EPC2: variants seen among roughly 807,000 people sequenced by gnomAD.
EPC2 encodes enhancer of polycomb homolog 2.
In EPC2, 14 loss-of-function variants were observed where a neutral mutation model predicts 92.1. The ratio of observed to expected loss-of-function variants is 0.15; its 90% CI spans 0.10 to 0.24. EPC2 has a LOEUF of 0.24. EPC2 is among the 10% of genes least tolerant of loss of function. The pLI is 1.00. For missense variants in EPC2, 755 were observed against 971.5 expected (o/e 0.78, Z 2.96); for synonymous variants, 340 against 334.7 (o/e 1.02, Z -0.17).
intron 1 of EPC2, chr2:148,645,413 A>T: frequency 2.3e-6 from 1 of 441,152 alleles, no homozygotes; most frequent in Non-Finnish European, 4.1e-6. Flanking sequence ...CGCTGCCGTA[A>T]GGGGGCCTTG....
At chr2:148,775,903 A>C (rs1262997701) in intron 10 of EPC2, among the ~76,000 whole-genome samples, 2 of 146,910 alleles carry the variant, frequency 1.4e-5, no homozygotes, top group Admixed American at 7.0e-5. Flanking sequence ...TCAGCCTCCC[A>C]AGTAGCTGGG....
intron 10 of EPC2, among the ~76,000 whole-genome samples, chr2:148,775,819 C>G (rs1242469327): frequency 7.4e-6 from 1 of 134,288 alleles, no homozygotes; most frequent in Admixed American, 7.8e-5. Flanking sequence ...ACTCTGTTAC[C>G]CAGGCTGGAG....
At chr2:148,687,921 A>G (rs572398623) in intron 1 of EPC2, among the ~76,000 whole-genome samples, 2 of 152,306 alleles carry the variant, frequency 1.3e-5, no homozygotes, top group East Asian at 3.9e-4. Flanking sequence ...CTTTTAAAGT[A>G]CTAGTTATAA....
chr2:148,728,134 A>C lies in EPC2; in HGVS notation c.314-15488A>C, dbSNP rs1356554705. Among the ~76,000 whole-genome samples the C allele has an allele frequency of 6.6e-5, 10 of 152,190 alleles. No homozygotes were observed. In the East Asian group the frequency reaches 1.7e-3, roughly 27 times the overall value. On this transcript the variant is annotated intron_variant, in intron 2 of 13. Coordinates refer to ENST00000258484, the MANE Select transcript of EPC2 (RefSeq NM_015630.4). ...CCTCCCCAACAGCTAGAATCACAGG[A>C]GCTTACCATGTTGCTCAGGCTGGTT...
At chr2:148,743,337 A>G (rs1350124376) in intron 2 of EPC2, among the ~76,000 whole-genome samples, 1 of 152,080 alleles carries the variant, frequency 6.6e-6, no homozygotes, top group African/African-American at 2.4e-5. Context: ...TACCATGTCA[A>G]CATGTATATG....
chr2:148,743,428 A>G (rs902997582), intron 2 of EPC2, among the ~76,000 whole-genome samples, 194 bp from the exon 3 acceptor site: 1 of 152,156 alleles, frequency 6.6e-6, no homozygotes, highest in African/African-American at 2.4e-5. Context: ...TACTGTTTAA[A>G]TCATATATAA....
intron 1 of EPC2, among the ~76,000 whole-genome samples, chr2:148,654,048 A>G (rs543871273): frequency 2.0e-5 from 3 of 151,396 alleles, no homozygotes; most frequent in Admixed American, 6.6e-5. Context: ...CCCTGGTTCA[A>G]GTGATTCTCC....
chr2:148,720,205 A>G (rs1008095099), intron 2 of EPC2, among the ~76,000 whole-genome samples: 2 of 152,200 alleles, frequency 1.3e-5, no homozygotes, highest in Admixed American at 1.3e-4. Context: ...TAAAGAAGTA[A>G]TCTGGTCAAT....
intron 6 of EPC2, among the ~76,000 whole-genome samples, chr2:148,764,148 A>G (rs995827658): frequency 6.6e-6 from 1 of 152,218 alleles, no homozygotes; most frequent in Non-Finnish European, 1.5e-5. Flanking sequence ...CTTTCAAGCA[A>G]TATTTTTATT....
chr2:148,701,750 A>C (rs1354250040), intron 2 of EPC2, among the ~76,000 whole-genome samples: 1 of 152,132 alleles, frequency 6.6e-6, no homozygotes, highest in Non-Finnish European at 1.5e-5. Flanking sequence ...TCATAGAATG[A>C]GTTAGGAAGT....
At chr2:148,726,765 G>GTTTTTTTTTTTTTTTGT (rs201293391) in intron 2 of EPC2, among the ~76,000 whole-genome samples, 2 of 100,600 alleles carry the variant, frequency 2.0e-5, no homozygotes, top group African/African-American at 3.9e-5. Context: ...TTTGTTTTTT[G>GTTTTTTTTTTTTTTTGT]TTTTTTTTTT....
intron 10 of EPC2, among the ~76,000 whole-genome samples, chr2:148,777,277 T>A (rs142572660): frequency 6.6e-6 from 1 of 152,284 alleles, no homozygotes; most frequent in Non-Finnish European, 1.5e-5. Context: ...TAAATAATCT[T>A]TACTACCAAA....
chr2:148,705,536 C>G (rs553029007), intron 2 of EPC2, among the ~76,000 whole-genome samples: 1 of 152,284 alleles, frequency 6.6e-6, no homozygotes, highest in East Asian at 1.9e-4. Context: ...CAAGTGGGTC[C>G]CTGACCCCTG....
At chr2:148,735,114 T>C (rs1047535589) in intron 2 of EPC2, among the ~76,000 whole-genome samples, 2 of 152,092 alleles carry the variant, frequency 1.3e-5, no homozygotes, top group Non-Finnish European at 2.9e-5. Flanking sequence ...TGAATGGCCT[T>C]GTGTGTGTCA....
intron 7 of EPC2, among the ~76,000 whole-genome samples, chr2:148,766,513 A>G: frequency 6.6e-6 from 1 of 152,218 alleles, no homozygotes; most frequent in East Asian, 1.9e-4. Flanking sequence ...TGACTCAGGC[A>G]GAGCTTTGAA....
intron 2 of EPC2, among the ~76,000 whole-genome samples, chr2:148,738,061 C>CT: frequency 6.6e-6 from 1 of 152,246 alleles, no homozygotes; most frequent in South Asian, 2.1e-4. Context: ...ATTTATAACT[C>CT]TGAAAATTTA....
At chr2:148,673,235 T>C (rs4972387) in intron 1 of EPC2, among the ~76,000 whole-genome samples, 30,165 of 152,116 alleles carry the variant, frequency 0.2, 3,803 homozygotes, top group East Asian at 0.48. Context: ...ATTTCCTTAA[T>C]TGGATTTGGG....
At chr2:148,665,943 T>C (rs1681047374) in intron 1 of EPC2, among the ~76,000 whole-genome samples, 1 of 152,194 alleles carries the variant, frequency 6.6e-6, no homozygotes, top group South Asian at 2.1e-4. Context: ...AAAACAAACA[T>C]CAATAATGCG....
chr2:148,678,845 C>T (rs550599887), intron 1 of EPC2, among the ~76,000 whole-genome samples: 70 of 152,340 alleles, frequency 4.6e-4, no homozygotes, highest in Admixed American at 1.0e-3. Flanking sequence ...CACAGTGCAG[C>T]GGTGGGCTGA....
Sources: gnomAD v4.1 joint callset for allele counts (sites outside exome capture counted in the v4.1 genomes callset) on GRCh38, gnomAD v4.1.1 for gene constraint, MANE v1.5 for transcripts, NCBI Gene and HGNC (gene_info 2026-07-23, HGNC 2026-07-21) for gene names.